PCDHA1: variants seen among roughly 807,000 people sequenced by gnomAD.
The protein encoded by PCDHA1 is protocadherin alpha 1.
Under a neutral mutation model 61.3 loss-of-function variants are expected in PCDHA1, and 42 were observed. The observed-to-expected ratio is 0.69, with a 90% CI of 0.54 to 0.89. The LOEUF (loss-of-function observed/expected upper bound fraction) is 0.89. Ranked by LOEUF, PCDHA1 falls within the 40% of genes least tolerant of loss-of-function variation. PCDHA1 has a pLI of 0.00. For synonymous variants in PCDHA1, 610 were observed against 553.8 expected (o/e 1.10, Z -1.43); for missense variants, 1,256 against 1,235.3 (o/e 1.02, Z -0.25).
rs952231570 is a variant in PCDHA1 at position 140,897,305 on chromosome 5, G to C, written c.2395-81644G>C. Among the ~76,000 whole-genome samples the C allele has an allele frequency of 1.9e-3, 284 of 150,706 alleles. 1 individual carries two copies. Among genetic ancestry groups the C allele is most frequent in the African/African-American group, 6.8e-3 (278 of 41,056 alleles). On this transcript the variant is annotated intron_variant, in intron 1 of 3. Coordinates refer to ENST00000504120, the MANE Select transcript of PCDHA1 (RefSeq NM_018900.4). ...CCATTAACTCGTCATTTAGCATTAG[G>C]TATATCTCCTAAAGCTATCCCTCCC...
chr5:140,924,238 T>A (rs781820581), intron 1 of PCDHA1, among the ~76,000 whole-genome samples: 5 of 152,244 alleles, frequency 3.3e-5, no homozygotes, highest in Admixed American at 1.3e-4. Flanking sequence ...ATGGGCTGTT[T>A]TGCATCCTGG....
rs546101434 is a variant in PCDHA1 at position 140,801,706 on chromosome 5, A to T, written c.2394+13022A>T. The T allele has an allele frequency of 6.6e-5, 106 of 1,614,180 alleles. No individual in the cohort carries two copies. The Admixed American group carries it at 1.8e-3, about 27-fold the overall frequency. On this transcript the variant is annotated intron_variant, in intron 1 of 3. Coordinates refer to ENST00000504120, the MANE Select transcript of PCDHA1 (RefSeq NM_018900.4). Reference sequence around the variant, plus strand: ...ATCGGAACAAATTCGTTGTTGACTTACAGTCTTGATTCCACTGAATATTTT... The same window carrying T: ...ATCGGAACAAATTCGTTGTTGACTTTCAGTCTTGATTCCACTGAATATTTT...
Position 141,009,783 on chromosome 5 carries a change from G to C in PCDHA1, c.2699G>C (p.Arg900Pro). The part of the protein sequence containing the change: ...IPGSPAIISI[R>P]QEPTNSQIDK... The stretch of plus-strand genomic sequence containing the variant: ...GGATCTCCTGCAATCATCTCCATCC[G>C]GCAGGAGCCTACTAACAGCCAAATT... Residue 900 changes from arginine (R) to proline (P), a missense_variant, in exon 4 of 4, where the codon CGG (arginine) becomes CCG (proline). Arg to Pro is a moderately radical substitution (Grantham distance 103). Coordinates refer to ENST00000504120, the MANE Select transcript of PCDHA1 (RefSeq NM_018900.4). 2 of 1,614,000 alleles carry C rather than the reference G, an allele frequency of 1.2e-6. No homozygotes were observed. The highest frequency in any genetic ancestry group is 1.7e-6 in the Non-Finnish European group (2 of 1,180,008).
At chr5:140,800,976 A>G (rs3756338) in intron 1 of PCDHA1, 688,487 of 1,275,392 alleles carry the variant, frequency 0.54, 187,644 homozygotes, top group African/African-American at 0.7. Context: ...ATACGTTTAC[A>G]TATTTAATAC....
At chr5:140,980,447 C>T (rs952861849) in intron 2 of PCDHA1, among the ~76,000 whole-genome samples, 4 of 152,036 alleles carry the variant, frequency 2.6e-5, no homozygotes, top group Admixed American at 6.6e-5. Context: ...CTGGACAACA[C>T]GGTGAAACCC....
At chr5:140,991,991 T>C (rs1420188681) in intron 3 of PCDHA1, among the ~76,000 whole-genome samples, 1 of 151,444 alleles carries the variant, frequency 6.6e-6, no homozygotes, top group Admixed American at 6.6e-5. Context: ...TACCACCCGG[T>C]CTTTCATGTT....
chr5:140,884,003 G>A, intron 1 of PCDHA1: 4 of 1,613,086 alleles, frequency 2.5e-6, no homozygotes, highest in African/African-American at 1.3e-5. Flanking sequence ...CACAGTGAGC[G>A]AGCTGATGCC....
chr5:140,802,379 C>G (rs781889429), intron 1 of PCDHA1: 3 of 1,614,152 alleles, frequency 1.9e-6, no homozygotes, highest in East Asian at 2.2e-5. Flanking sequence ...CCCACGTCCC[C>G]TTCAAGCTGG....
rs2150500536 is a variant in PCDHA1, at chr5:140,850,854, G to C, written c.2394+62170G>C. On this transcript the variant is annotated intron_variant, in intron 1 of 3. Transcript: ENST00000504120. ...TTGTGCTGGATCTACAGAGCGAACG[G>C]GAGAACCCTCTGCTTCCTCAGATTC... 60 of 1,595,366 alleles carry C rather than the reference G, an allele frequency of 3.8e-5. 3 individuals carry two copies. In the South Asian group the frequency reaches 6.2e-4, roughly 16 times the overall value.
chr5:140,938,843 C>G (rs1232774282), intron 1 of PCDHA1, among the ~76,000 whole-genome samples: 1 of 152,130 alleles, frequency 6.6e-6, no homozygotes, highest in East Asian at 1.9e-4. Context: ...AACAAACCTG[C>G]CCATGTACCC....
chr5:140,808,870 C>T (rs1463277099), intron 1 of PCDHA1: 11 of 1,613,180 alleles, frequency 6.8e-6, no homozygotes, highest in Non-Finnish European at 9.3e-6. Flanking sequence ...AAAACGACAA[C>T]GCGCCAGCAC....
intron 1 of PCDHA1, chr5:140,881,212 G>A: frequency 9.7e-6 from 2 of 206,268 alleles, no homozygotes; most frequent in Non-Finnish European, 1.7e-5. Flanking sequence ...TCTAGCTGTT[G>A]TTTCTTGGAA....
chr5:140,845,157 C>T (rs1273679091), intron 1 of PCDHA1, among the ~76,000 whole-genome samples: 6 of 149,288 alleles, frequency 4.0e-5, no homozygotes, highest in Non-Finnish European at 7.5e-5. Context: ...TGTGTAAAAG[C>T]GAATTGTTTT....
chr5:140,950,040 C>T (rs1053592525), intron 1 of PCDHA1, among the ~76,000 whole-genome samples: 4 of 151,718 alleles, frequency 2.6e-5, no homozygotes, highest in Non-Finnish European at 5.9e-5. Flanking sequence ...AAGTTACAAC[C>T]ATATAAGACT....
At chr5:140,795,975 A>C in intron 1 of PCDHA1, 1 of 1,614,160 alleles carries the variant, frequency 6.2e-7, no homozygotes. Flanking sequence ...GTAAAATTTC[A>C]TTAAAACTTG....
At chr5:140,796,140 C>G (rs782363185) in intron 1 of PCDHA1, 1 of 1,614,232 alleles carries the variant, frequency 6.2e-7, no homozygotes, top group South Asian at 1.1e-5. Flanking sequence ...TGACGCCCCA[C>G]GTCCCTTTCA....
chr5:141,000,447 G>C (rs2097938373), intron 3 of PCDHA1, among the ~76,000 whole-genome samples: 1 of 41,758 alleles, frequency 2.4e-5, no homozygotes, highest in Admixed American at 2.7e-4. Flanking sequence ...TTTTTTTTGA[G>C]ACAGAGTTTT....
intron 1 of PCDHA1, chr5:140,796,272 G>A (rs782466691): frequency 1.2e-6 from 2 of 1,614,100 alleles, no homozygotes; most frequent in South Asian, 1.1e-5. Flanking sequence ...CTTCACTGTG[G>A]GCCACCACCA....
At chr5:140,906,045 T>C (rs1002159774) in intron 1 of PCDHA1, among the ~76,000 whole-genome samples, 3 of 152,194 alleles carry the variant, frequency 2.0e-5, no homozygotes, top group African/African-American at 7.2e-5. Flanking sequence ...GCTTTTATTC[T>C]GGCTGCACTG....
Sources: gnomAD v4.1 joint callset for allele counts (sites outside exome capture counted in the v4.1 genomes callset) on GRCh38, gnomAD v4.1.1 for gene constraint, MANE v1.5 for transcripts, NCBI Gene and HGNC (gene_info 2026-07-23, HGNC 2026-07-21) for gene names.